NETO2: variants seen among roughly 807,000 people sequenced by gnomAD.
The protein encoded by NETO2 is neuropilin and tolloid like 2.
Under a neutral mutation model 62.5 loss-of-function variants are expected in NETO2, and 28 were observed. That is an observed-to-expected ratio of 0.45 (90% CI 0.33 to 0.61). The LOEUF (loss-of-function observed/expected upper bound fraction) is 0.61. Ranked by LOEUF, NETO2 falls within the 20% of genes least tolerant of loss-of-function variation. The probability of loss-of-function intolerance (pLI) is 0.02; values close to 1 mark genes in which losing one functional copy is unlikely to be tolerated. For synonymous variants in NETO2, 214 were observed against 219.1 expected (o/e 0.98, Z 0.21); for missense variants, 548 against 643.2 (o/e 0.85, Z 1.60).
At chr16:47,136,361 G>GA (rs1396181201) in intron 1 of NETO2, among the ~76,000 whole-genome samples, 2 of 151,846 alleles carry the variant, frequency 1.3e-5, no homozygotes, top group Non-Finnish European at 1.5e-5. Context: ...TAACAAAATG[G>GA]AAAAAAATTA....
intron 7 of NETO2, among the ~76,000 whole-genome samples, chr16:47,095,253 CA>C (rs201302112): frequency 6.7e-6 from 1 of 149,298 alleles, no homozygotes; most frequent in Non-Finnish European, 1.5e-5. Context: ...CTTGTCACTA[CA>C]AAAAAAAATC....
In NETO2 at chr16:47,128,387, T is replaced by C. The variant is rs747385450; in HGVS notation, c.419A>G (p.Lys140Arg). The change falls in exon 4 of 9, where the codon AAG becomes AGG. Residue 140 changes from lysine to arginine, a missense_variant. Lys to Arg is a conservative substitution (Grantham distance 26). Coordinates refer to ENST00000562435, the MANE Select transcript of NETO2 (RefSeq NM_018092.5). ...TTCAAGCTCTTCATCAGAACTAAAC[T>C]TAATCCACATGAATCTCCCTGTTGA... ...IRSTGRFMWI[K>R]FSSDEELEGL... 1.5e-5 allele frequency: 25 copies of C among 1,614,042 alleles called. No individual in the cohort carries two copies. Among genetic ancestry groups the C allele is most frequent in the Non-Finnish European group, 1.9e-5 (23 of 1,180,030 alleles).
intron 7 of NETO2, among the ~76,000 whole-genome samples, chr16:47,107,055 T>C (rs796840677): frequency 6.6e-6 from 1 of 152,198 alleles, no homozygotes; most frequent in Non-Finnish European, 1.5e-5. Context: ...GTGCTGGGAT[T>C]ACAGGTGTGA....
intron 2 of NETO2, among the ~76,000 whole-genome samples, chr16:47,130,601 A>G (rs1202757555): frequency 6.6e-6 from 1 of 152,098 alleles, no homozygotes; most frequent in Non-Finnish European, 1.5e-5. Flanking sequence ...ACAAAAACAA[A>G]GATACTGTAC....
chr16:47,092,003 C>T (rs1358042906), intron 7 of NETO2, among the ~76,000 whole-genome samples: 3 of 151,578 alleles, frequency 2.0e-5, no homozygotes, highest in Admixed American at 1.3e-4. Context: ...CCACCATGCC[C>T]AACTCATTTA....
rs749381039 is a variant in NETO2, at chr16:47,083,293, C to G, written c.1506G>C (p.Glu502Asp). 6.8e-6 allele frequency: 11 copies of G among 1,614,102 alleles called. No homozygotes were observed. Among genetic ancestry groups the G allele is most frequent in the Non-Finnish European group, 9.3e-6 (11 of 1,180,034 alleles). ...TGACATAAATTTCACAGGGAATCTC[C>G]TCCATTACTCGGTCTTCCAGGGCCT... The part of the protein sequence containing the change: ...PEQALEDRVM[E>D]EIPCEIYVRG... Residue 502 changes from glutamate (E) to aspartate (D), a missense_variant, in exon 9 of 9, where the codon GAG (glutamate) becomes GAC (aspartate). Coordinates refer to ENST00000562435, the MANE Select transcript of NETO2 (RefSeq NM_018092.5).
chr16:47,118,358 A>G (rs1963964799), intron 6 of NETO2, among the ~76,000 whole-genome samples: 1 of 152,180 alleles, frequency 6.6e-6, no homozygotes, highest in Admixed American at 6.5e-5. Flanking sequence ...GGCACCTCAG[A>G]AAGAAAGCCT....
chr16:47,131,248 G>A (rs1028746466), intron 2 of NETO2, among the ~76,000 whole-genome samples: 3 of 152,086 alleles, frequency 2.0e-5, no homozygotes, highest in African/African-American at 7.2e-5. Context: ...GTGCGTGAAA[G>A]AGCTAAATTC....
intron 7 of NETO2, among the ~76,000 whole-genome samples, chr16:47,097,879 A>G (rs1963461135): frequency 6.6e-6 from 1 of 152,226 alleles, no homozygotes; most frequent in Non-Finnish European, 1.5e-5. Context: ...TACACAGGCA[A>G]ACAGGGTCTG....
rs889778991 is a variant in NETO2, at chr16:47,143,855, A to C, written c.-243T>G. The C allele has an allele frequency of 2.7e-5, 9 of 330,018 alleles. No homozygotes were observed. Among genetic ancestry groups the C allele is most frequent in the Non-Finnish European group, 4.5e-5 (9 of 200,488 alleles). The allele number at this position is 330,018 out of a possible 1,614,324, so 20.4% of individuals were successfully genotyped here. ...CTCCTGCTCCGCGGCGCCCCGTCCC[A>C]TCGACCGCCCGAGGGCCGAGGAGTG... On this transcript the variant is annotated 5_prime_UTR_variant, in exon 1 of 9. An upstream start codon of the reference 5' UTR is lost. Transcript: ENST00000562435.
chr16:47,083,552 G>C lies in NETO2; in HGVS notation c.1247C>G (p.Ser416Trp). 6.2e-7 allele frequency: 1 copy of C among 1,614,182 alleles called. No homozygotes were observed. Among genetic ancestry groups the C allele is most frequent in the Non-Finnish European group, 8.5e-7 (1 of 1,180,034 alleles). Reference sequence around the variant, plus strand: ...CTTCTGGTAGTTGTCCAATTCTTCCGACAAGTCTGCCAGGTCTGCAGAAAT... The same window carrying C: ...CTTCTGGTAGTTGTCCAATTCTTCCCACAAGTCTGCCAGGTCTGCAGAAAT... The part of the protein sequence containing the change: ...KEISADLADL[S>W]EELDNYQKMR... The change falls in exon 9 of 9, where the codon TCG becomes TGG. Residue 416 changes from serine (S) to tryptophan (W), a missense_variant. Physicochemically the swap from Ser to Trp is radical, Grantham distance 177. Transcript: ENST00000562435.
chr16:47,083,698 T>C lies in NETO2; in HGVS notation c.1101A>G (p.Leu367=), dbSNP rs1963121940. 5.0e-6 allele frequency: 8 copies of C among 1,614,068 alleles called. No homozygotes were observed. Among genetic ancestry groups the C allele is most frequent in the South Asian group, 1.1e-5 (1 of 91,090 alleles). The change falls in exon 9 of 9, where the codon TTA becomes TTG. Residue 367 remains leucine, a synonymous_variant. Coordinates refer to ENST00000562435, the MANE Select transcript of NETO2 (RefSeq NM_018092.5). The part of the protein sequence containing the change: ...IVLVLLIISI[L]VQVKQPRKKV... ...TTTTTCGAGGCTGTTTCACTTGTAC[T>C]AAAATAGAAATAATGAGAAGGACCA...
chr16:47,133,933 T>C (rs1026520087), intron 1 of NETO2, among the ~76,000 whole-genome samples: 3 of 152,220 alleles, frequency 2.0e-5, no homozygotes, highest in African/African-American at 7.2e-5. Flanking sequence ...TCTATACTTT[T>C]AATGAGAAGA....
intron 1 of NETO2, among the ~76,000 whole-genome samples, chr16:47,142,247 A>G (rs2151497760): frequency 6.6e-6 from 1 of 152,370 alleles, no homozygotes; most frequent in Middle Eastern, 3.4e-3. Context: ...ATTGTAATAA[A>G]GAAATCACTA....
At chr16:47,115,821 T>C (rs1294918920) in intron 6 of NETO2, among the ~76,000 whole-genome samples, 4 of 150,578 alleles carry the variant, frequency 2.7e-5, no homozygotes, top group East Asian at 1.9e-4. Context: ...TCCACCTGCC[T>C]TGGTCTCCCA....
At chr16:47,132,476 GAAGT>G (rs764844153) in intron 1 of NETO2, among the ~76,000 whole-genome samples, 3 of 152,274 alleles carry the variant, frequency 2.0e-5, no homozygotes, top group South Asian at 2.1e-4. Context: ...AATCAAGACA[GAAGT>G]AAGGGGGCAG....
At chr16:47,138,419 CA>C (rs1964400648) in intron 1 of NETO2, among the ~76,000 whole-genome samples, 1 of 152,026 alleles carries the variant, frequency 6.6e-6, no homozygotes, top group Non-Finnish European at 1.5e-5. Flanking sequence ...AAAACAAAAA[CA>C]CTTGCCCATA....
At position 47,131,976 on chromosome 16, in the gene NETO2, T is replaced by A; in HGVS notation, c.84A>T (p.Lys28Asn). 1 of 1,612,606 alleles carries A rather than the reference T, an allele frequency of 6.2e-7. No individual in the cohort carries two copies. Among genetic ancestry groups the A allele is most frequent in the East Asian group, 2.2e-5 (1 of 44,800 alleles). ...CCAATGTAAGTACTTTACCTTGGGT[T>A]TTTTGGGCCACGGCAATCCCTTCCA... ...LVVEGIAVAQ[K>N]TQDGQNIGIK... Residue 28 changes from lysine (K) to asparagine (N), a missense_variant, in exon 2 of 9, where the codon AAA becomes AAT. Lys to Asn is a moderately conservative substitution (Grantham distance 94, BLOSUM62 0). Transcript: ENST00000562435.
At chr16:47,135,040 C>T (rs942464828) in intron 1 of NETO2, among the ~76,000 whole-genome samples, 11 of 152,056 alleles carry the variant, frequency 7.2e-5, no homozygotes, top group African/African-American at 2.4e-4. Flanking sequence ...AAGAATAGGG[C>T]GAATCTGCAC....
Sources: allele counts gnomAD v4.1 joint callset (sites outside exome capture counted in the v4.1 genomes callset), GRCh38; gene constraint gnomAD v4.1.1; transcripts MANE v1.5; gene names NCBI Gene and HGNC (gene_info 2026-07-23, HGNC 2026-07-21).